The following GAB2 variants were observed in gnomAD, a reference collection of about 807,000 sequenced individuals.
GAB2 encodes the protein GRB2 associated binding protein 2.
A neutral mutation model predicts 65.5 loss-of-function variants in GAB2; 26 were observed. The observed-to-expected ratio is 0.40, with a 90% CI of 0.29 to 0.55. GAB2 has a LOEUF of 0.55. Ranked by LOEUF, GAB2 falls within the 20% of genes least tolerant of loss-of-function variation. The probability of loss-of-function intolerance (pLI) is 0.53; values close to 1 mark genes in which losing one functional copy is unlikely to be tolerated. For synonymous variants in GAB2, 321 were observed against 329.6 expected (o/e 0.97, Z 0.28); for missense variants, 884 against 875.8 (o/e 1.01, Z -0.12).
intron 1 of GAB2, among the ~76,000 whole-genome samples, chr11:78,304,155 T>C (rs1441945331): frequency 1.3e-5 from 2 of 152,104 alleles, no homozygotes; most frequent in African/African-American, 4.8e-5. Flanking sequence ...ATCAAATTTA[T>C]TGAAGTAAAG....
chr11:78,413,811 G>A (rs879770862), intron 1 of GAB2, among the ~76,000 whole-genome samples: 10 of 152,112 alleles, frequency 6.6e-5, no homozygotes, highest in South Asian at 2.1e-4. Flanking sequence ...CAGGCTGGGC[G>A]CGGTGGCTCA....
intron 1 of GAB2, among the ~76,000 whole-genome samples, chr11:78,393,186 G>T (rs1273927644): frequency 6.6e-6 from 1 of 152,160 alleles, no homozygotes; most frequent in African/African-American, 2.4e-5. Flanking sequence ...GAAATCTATG[G>T]AATCACAACT....
At chr11:78,348,640 G>A (rs1432546348) in intron 1 of GAB2, among the ~76,000 whole-genome samples, 4 of 152,206 alleles carry the variant, frequency 2.6e-5, no homozygotes, top group Admixed American at 1.3e-4. Flanking sequence ...CTGTTGATAG[G>A]AAAGTAAAAC....
At chr11:78,299,160 AGCCTT>A (rs1866921349) in intron 1 of GAB2, among the ~76,000 whole-genome samples, 1 of 152,226 alleles carries the variant, frequency 6.6e-6, no homozygotes, top group Non-Finnish European at 1.5e-5. Flanking sequence ...GACAGGATGT[AGCCTT>A]GACTTAGTGA....
intron 1 of GAB2, among the ~76,000 whole-genome samples, chr11:78,343,579 A>G (rs1184322859): frequency 6.6e-6 from 1 of 152,192 alleles, no homozygotes; most frequent in Non-Finnish European, 1.5e-5. Context: ...GATGTATCAT[A>G]ATCCACCCAA....
chr11:78,333,270 ATTT>A (rs948824944), intron 1 of GAB2, among the ~76,000 whole-genome samples: 3 of 151,954 alleles, frequency 2.0e-5, no homozygotes, highest in Admixed American at 6.6e-5. Flanking sequence ...GACTTTTTTT[ATTT>A]TTTATTTTTA....
At chr11:78,328,566 A>G (rs1855863918) in intron 1 of GAB2, among the ~76,000 whole-genome samples, 1 of 152,222 alleles carries the variant, frequency 6.6e-6, no homozygotes, top group African/African-American at 2.4e-5. Context: ...TGGTATATTC[A>G]TGCAATGGAA....
chr11:78,271,475 T>G (rs1866007607), intron 2 of GAB2, among the ~76,000 whole-genome samples: 1 of 152,238 alleles, frequency 6.6e-6, no homozygotes, highest in Admixed American at 6.5e-5. Flanking sequence ...CCTTCAACCT[T>G]ATGTTGATTT....
intron 1 of GAB2, among the ~76,000 whole-genome samples, chr11:78,288,398 AGAAGAAGAAGAAGAAGAAAG>A (rs1866551467): frequency 1.1e-5 from 1 of 88,508 alleles, no homozygotes. Flanking sequence ...AAAAAAAAAA[AGAAGAAGAAGAAGAAGAAAG>A]AAAAAGAAAA....
intron 1 of GAB2, among the ~76,000 whole-genome samples, chr11:78,288,216 C>T (rs1048128543): frequency 1.3e-5 from 2 of 150,768 alleles, no homozygotes; most frequent in Non-Finnish European, 3.0e-5. Context: ...CCCATCTCTA[C>T]TAAAATACAA....
chr11:78,284,696 T>TC (rs1343032726), intron 1 of GAB2, among the ~76,000 whole-genome samples: 1 of 151,812 alleles, frequency 6.6e-6, no homozygotes, highest in Admixed American at 6.6e-5. Context: ...CCACTCTCTT[T>TC]CCCCCCTTAC....
intron 1 of GAB2, among the ~76,000 whole-genome samples, chr11:78,284,363 C>A (rs1019453081): frequency 6.6e-6 from 1 of 152,228 alleles, no homozygotes; most frequent in African/African-American, 2.4e-5. Flanking sequence ...TCAGAAGATG[C>A]CACTTCTCCG....
chr11:78,379,559 T>C (rs1412885617), intron 1 of GAB2, among the ~76,000 whole-genome samples: 1 of 152,242 alleles, frequency 6.6e-6, no homozygotes, highest in Non-Finnish European at 1.5e-5. Flanking sequence ...TGGGTCCTGA[T>C]ACCTTCACCA....
chr11:78,316,591 T>C (rs1293451839), intron 1 of GAB2, among the ~76,000 whole-genome samples: 2 of 152,150 alleles, frequency 1.3e-5, no homozygotes, highest in Non-Finnish European at 2.9e-5. Flanking sequence ...AACAATGAAA[T>C]ACTACCTTGC....
At chr11:78,409,382 C>T (rs773053802) in intron 1 of GAB2, among the ~76,000 whole-genome samples, 15 of 152,068 alleles carry the variant, frequency 9.9e-5, no homozygotes, top group Admixed American at 7.2e-4. Flanking sequence ...GTCAGGAGTT[C>T]GAGACCAGTC....
At chr11:78,228,555 C>T (rs1864753975) in intron 3 of GAB2, among the ~76,000 whole-genome samples, 1 of 152,194 alleles carries the variant, frequency 6.6e-6, no homozygotes, top group South Asian at 2.1e-4. Flanking sequence ...TTGTTATTTA[C>T]AGATGTGGCC....
chr11:78,394,144 TG>T (rs1856866290), intron 1 of GAB2, among the ~76,000 whole-genome samples: 1 of 152,076 alleles, frequency 6.6e-6, no homozygotes. Context: ...AAAAATTTGC[TG>T]GGCGTGGTGG....
chr11:78,350,643 A>C (rs565418042), intron 1 of GAB2, among the ~76,000 whole-genome samples: 1 of 152,342 alleles, frequency 6.6e-6, no homozygotes, highest in Non-Finnish European at 1.5e-5. Flanking sequence ...CATAAGCCTG[A>C]GTGTGTGTCA....
intron 1 of GAB2, among the ~76,000 whole-genome samples, chr11:78,358,439 T>TATAATAATAATAATA (rs201503823): frequency 3.1e-4 from 36 of 117,312 alleles, no homozygotes; most frequent in East Asian, 1.9e-3. Flanking sequence ...GAACTTAAAA[T>TATAATAATAATAATA]ATAATAATAA....
Sources: allele counts gnomAD v4.1 joint callset (sites outside exome capture counted in the v4.1 genomes callset), GRCh38; gene constraint gnomAD v4.1.1; transcripts MANE v1.5; gene names NCBI Gene and HGNC (gene_info 2026-07-23, HGNC 2026-07-21).